NSD1: variants seen among roughly 807,000 people sequenced by gnomAD.
NSD1 encodes histone-lysine N-methyltransferase, H3 lysine-36 specific.
Under a neutral mutation model 242.7 loss-of-function variants are expected in NSD1, and 26 were observed. That is an observed-to-expected ratio of 0.11 (90% CI 0.08 to 0.15). The LOEUF (loss-of-function observed/expected upper bound fraction) is 0.15, where lower values mean the gene tolerates loss of function less well. NSD1 is among the 10% of genes least tolerant of loss of function. The probability of loss-of-function intolerance (pLI) is 1.00; values close to 1 mark genes in which losing one functional copy is unlikely to be tolerated. For synonymous variants in NSD1, 1,106 were observed against 1,178.1 expected (o/e 0.94, Z 1.25); for missense variants, 2,495 against 3,272.8 (o/e 0.76, Z 5.80).
At chr5:177,202,273 CT>C (rs1453130301) in intron 3 of NSD1, among the ~76,000 whole-genome samples, 1 of 151,586 alleles carries the variant, frequency 6.6e-6, no homozygotes, top group Admixed American at 6.6e-5. Flanking sequence ...GTTGTCATGC[CT>C]TTTGTACTGT....
chr5:177,201,687 T>C (rs964947694), intron 3 of NSD1, among the ~76,000 whole-genome samples: 2 of 151,536 alleles, frequency 1.3e-5, no homozygotes, highest in Admixed American at 1.3e-4. Context: ...GCCTCTCAAG[T>C]AGCTTGGATT....
At chr5:177,143,023 G>A (rs1231572930) in intron 2 of NSD1, among the ~76,000 whole-genome samples, 1 of 152,120 alleles carries the variant, frequency 6.6e-6, no homozygotes, top group Non-Finnish European at 1.5e-5. Context: ...CATCTTAACA[G>A]TGTATAGCAT....
At chr5:177,219,218 G>A (rs151152088) in intron 5 of NSD1, among the ~76,000 whole-genome samples, 2,005 of 151,148 alleles carry the variant, frequency 0.013, 46 homozygotes, top group African/African-American at 0.046. Flanking sequence ...AGGGAGTCTC[G>A]CTCTGTCGCC....
intron 5 of NSD1, among the ~76,000 whole-genome samples, chr5:177,223,999 A>C (rs1453520079): frequency 6.6e-6 from 1 of 152,228 alleles, no homozygotes; most frequent in Non-Finnish European, 1.5e-5. Flanking sequence ...TCAACAAAAA[A>C]TAAATAAAAA....
At chr5:177,185,410 C>A (rs1029218666) in intron 2 of NSD1, among the ~76,000 whole-genome samples, 1 of 151,560 alleles carries the variant, frequency 6.6e-6, no homozygotes, top group African/African-American at 2.4e-5. Context: ...CCAGCCTGGC[C>A]AACATGGTGA....
At chr5:177,267,476 AAAAT>A in intron 14 of NSD1, 82 bp from the exon 15 acceptor site, 1 of 1,144,082 alleles carries the variant, frequency 8.7e-7, no homozygotes, top group African/African-American at 1.5e-5. Context: ...GAAGAGAAAG[AAAAT>A]ATATATATAT....
At chr5:177,175,628 TA>T (rs1337634008) in intron 2 of NSD1, among the ~76,000 whole-genome samples, 2 of 151,770 alleles carry the variant, frequency 1.3e-5, no homozygotes, top group Admixed American at 6.6e-5. Context: ...GAATCTGCCT[TA>T]AAAAAAATAA....
intron 14 of NSD1, chr5:177,265,802 TTG>T: frequency 1.4e-6 from 2 of 1,402,120 alleles, no homozygotes; most frequent in Non-Finnish European, 2.0e-6. Context: ...TCCGGTCCTC[TTG>T]TGGCAGTGCG....
At chr5:177,227,240 A>C (rs908188960) in intron 5 of NSD1, among the ~76,000 whole-genome samples, 1 of 152,178 alleles carries the variant, frequency 6.6e-6, no homozygotes, top group African/African-American at 2.4e-5. Context: ...ATCCTTTTTC[A>C]GTAGGAATTC....
At chr5:177,185,635 G>C (rs1761046921) in intron 2 of NSD1, among the ~76,000 whole-genome samples, 1 of 130,870 alleles carries the variant, frequency 7.6e-6, no homozygotes, top group African/African-American at 2.9e-5. Flanking sequence ...TTTTTTGTTT[G>C]TTTTTTTGAG....
chr5:177,266,997 T>C (rs1271069556), intron 14 of NSD1, among the ~76,000 whole-genome samples: 1 of 152,180 alleles, frequency 6.6e-6, no homozygotes, highest in East Asian at 1.9e-4. Flanking sequence ...CCCGAGTAGC[T>C]GGGAATACAG....
intron 2 of NSD1, among the ~76,000 whole-genome samples, chr5:177,191,094 G>A (rs149724816): frequency 6.6e-6 from 1 of 150,920 alleles, no homozygotes; most frequent in African/African-American, 2.4e-5. Flanking sequence ...AGCCTCCCAA[G>A]TAACTGGGTA....
chr5:177,211,541 T>G lies in NSD1; in HGVS notation c.3142T>G (p.Leu1048Val). The G allele has an allele frequency of 6.2e-7, 1 of 1,614,136 alleles. No individual in the cohort carries two copies. Among genetic ancestry groups the G allele is most frequent in the South Asian group, 1.1e-5 (1 of 91,084 alleles). The change falls in exon 5 of 23, where the codon TTA becomes GTA. Residue 1048 changes from leucine (L) to valine (V), a missense_variant. By Grantham distance (32) the Leu-to-Val change is conservative. Transcript: ENST00000439151. ...MVKNTVNRKA[L>V]KTERKRKLNQ... ...AAAGAACACAGTGAACCGTAAAGCCTTAAAGACCGAGCGCAAAAGAAAACT... is the reference window on the plus strand; with the variant it reads ...AAAGAACACAGTGAACCGTAAAGCCGTAAAGACCGAGCGCAAAAGAAAACT...
chr5:177,178,053 C>G (rs1235232393), intron 2 of NSD1, among the ~76,000 whole-genome samples: 1 of 151,992 alleles, frequency 6.6e-6, no homozygotes, highest in Non-Finnish European at 1.5e-5. Context: ...CGCTGCCACG[C>G]CTGGCTAATT....
chr5:177,197,995 G>T (rs148013395), intron 3 of NSD1, among the ~76,000 whole-genome samples: 22 of 152,048 alleles, frequency 1.4e-4, no homozygotes, highest in African/African-American at 4.8e-4. Context: ...ATTTTTTGTT[G>T]TTATTTTTTA....
chr5:177,290,741 A>T (rs1189982170), intron 21 of NSD1, among the ~76,000 whole-genome samples: 10 of 152,190 alleles, frequency 6.6e-5, no homozygotes, highest in South Asian at 2.1e-4. Flanking sequence ...TCATTTTTTA[A>T]TCTTGTTAAA....
chr5:177,189,166 C>T (rs1428543236), intron 2 of NSD1, among the ~76,000 whole-genome samples: 1 of 152,158 alleles, frequency 6.6e-6, no homozygotes, highest in Non-Finnish European at 1.5e-5. Context: ...AGCTGAATTA[C>T]TAGTTACTCA....
chr5:177,279,371 G>A (rs887604344), intron 17 of NSD1, among the ~76,000 whole-genome samples: 16 of 152,034 alleles, frequency 1.1e-4, no homozygotes, highest in African/African-American at 3.9e-4. Flanking sequence ...GGTGGTGTGT[G>A]CCTATAGTCC....
chr5:177,288,609 A>T (rs1246430251), intron 20 of NSD1: 1 of 515,858 alleles, frequency 1.9e-6, no homozygotes, highest in African/African-American at 1.9e-5. Flanking sequence ...TATCTTAAAT[A>T]TTACTTGTTA....
Sources: allele counts gnomAD v4.1 joint callset (sites outside exome capture counted in the v4.1 genomes callset), GRCh38; gene constraint gnomAD v4.1.1; transcripts MANE v1.5; gene names NCBI Gene and HGNC (gene_info 2026-07-23, HGNC 2026-07-21).